The following ABCC9 variants were observed in gnomAD, a reference collection of about 807,000 sequenced individuals.
ABCC9 encodes the protein ATP binding cassette subfamily C member 9.
ABCC9 carries 95 observed loss-of-function variants against 188.3 expected under a neutral mutation model. The observed-to-expected ratio is 0.50, with a 90% confidence interval of 0.43 to 0.60. The LOEUF (loss-of-function observed/expected upper bound fraction) is 0.60, where lower values mean the gene tolerates loss of function less well. Among genes scored for constraint, ABCC9 ranks in the 20% least tolerant of loss-of-function variants. The pLI is 0.00. For missense variants in ABCC9, 1,102 were observed against 1,876.3 expected (o/e 0.59, Z 7.62); for synonymous variants, 659 against 652.7 (o/e 1.01, Z -0.15).
intron 9 of ABCC9, 33 bp downstream of exon 9, chr12:21,910,793 A>C (rs757000891): frequency 1.1e-5 from 18 of 1,582,930 alleles, no homozygotes; most frequent in Non-Finnish European, 1.6e-5. Flanking sequence ...TAGCATTCTT[A>C]GGAAACAAAT....
At chr12:21,822,604 C>A (rs978374272) in intron 31 of ABCC9, among the ~76,000 whole-genome samples, 19 of 151,232 alleles carry the variant, frequency 1.3e-4, no homozygotes. Flanking sequence ...TCGAGACCAT[C>A]CTGGCTAACA....
At chr12:21,841,273 G>A (rs189378792) in intron 29 of ABCC9, among the ~76,000 whole-genome samples, 10 of 150,190 alleles carry the variant, frequency 6.7e-5, no homozygotes, top group Non-Finnish European at 1.3e-4. Context: ...AATCCTAAAC[G>A]AATATTTTTT....
intron 16 of ABCC9, 142 bp downstream of exon 16, chr12:21,882,623 AT>A (rs1007991121): frequency 2.3e-4 from 162 of 710,258 alleles, no homozygotes; most frequent in Middle Eastern, 3.6e-4. Context: ...AAAACTCAGA[AT>A]TTTTTTTTAA....
intron 8 of ABCC9, among the ~76,000 whole-genome samples, chr12:21,911,895 A>ATTTCCGTTATAAT (rs143730509): frequency 1.3e-5 from 2 of 152,076 alleles, no homozygotes; most frequent in East Asian, 3.9e-4. Context: ...TATCTGGTTC[A>ATTTCCGTTATAAT]TGAACACTAA....
chr12:21,863,988 A>C (rs576502119), intron 19 of ABCC9, among the ~76,000 whole-genome samples: 40 of 151,988 alleles, frequency 2.6e-4, no homozygotes, highest in Non-Finnish European at 4.0e-4. Context: ...CCAACCTCTG[A>C]CATGCCTGCT....
chr12:21,885,992 A>AT (rs1419705678), intron 15 of ABCC9, among the ~76,000 whole-genome samples: 2 of 152,068 alleles, frequency 1.3e-5, no homozygotes, highest in East Asian at 1.9e-4. Flanking sequence ...ATATATTCAT[A>AT]TTTTTTCTAA....
At chr12:21,912,830 C>G in intron 8 of ABCC9, 42 bp downstream of exon 8, 1 of 1,588,148 alleles carries the variant, frequency 6.3e-7, no homozygotes, top group South Asian at 1.1e-5. Context: ...ACAATGAAAT[C>G]CATCAATAAT....
At chr12:21,805,349 G>C in intron 39 of ABCC9, 1 of 1,595,206 alleles carries the variant, frequency 6.3e-7, no homozygotes, top group Non-Finnish European at 8.6e-7. Context: ...ATCAGCAGAA[G>C]GAAAAATGTC....
At chr12:21,847,976 T>G (rs913485250) in intron 25 of ABCC9, among the ~76,000 whole-genome samples, 174 bp downstream of exon 25, 2 of 152,210 alleles carry the variant, frequency 1.3e-5, no homozygotes, top group Non-Finnish European at 2.9e-5. Context: ...TGACTGTTGA[T>G]GGATTACATC....
chr12:21,906,315 A>T (rs1948044905), intron 11 of ABCC9, 27 bp from the exon 12 acceptor site: 1 of 1,585,046 alleles, frequency 6.3e-7, no homozygotes, highest in Non-Finnish European at 8.6e-7. Context: ...GAAAAATAAT[A>T]CCAGCTGCAT....
At position 21,815,776 on chromosome 12, in the gene ABCC9, T is replaced by C; in HGVS notation, c.4010A>G (p.Lys1337Arg). Residue 1337 changes from lysine to arginine, a missense_variant, in exon 34 of 40, where the codon AAA (lysine) becomes AGA (arginine). Lys to Arg is a conservative substitution (Grantham distance 26). Around this residue, in one of 12 missense-constraint regions of ABCC9, gnomAD observed 143 missense variants for 225.6 expected, o/e 0.63. Coordinates refer to ENST00000261200, the MANE Select transcript of ABCC9 (RefSeq NM_020297.4). ...PVLKHVKAYI[K>R]PGQKVGICGR... ...GTGATTTCATACCTTTTGTCCAGGT[T>C]TGATGTAAGCCTTGACGTGCTTAAG... 1 of 1,613,042 alleles carries C rather than the reference T, an allele frequency of 6.2e-7. No individual in the cohort carries two copies. Among genetic ancestry groups the C allele is most frequent in the Non-Finnish European group, 8.5e-7 (1 of 1,179,516 alleles).
intron 39 of ABCC9, among the ~76,000 whole-genome samples, chr12:21,804,501 C>T (rs561327308): frequency 6.6e-6 from 1 of 152,172 alleles, no homozygotes; most frequent in Non-Finnish European, 1.5e-5. Flanking sequence ...CTGAATAATT[C>T]TTTTTCAAGT....
At chr12:21,846,214 A>C (rs1264601424) in intron 25 of ABCC9, among the ~76,000 whole-genome samples, 1 of 152,220 alleles carries the variant, frequency 6.6e-6, no homozygotes, top group Non-Finnish European at 1.5e-5. Flanking sequence ...CTGCACCAGG[A>C]GGGAGTAAGC....
At chr12:21,861,228 CCCCTT>C (rs1945490649) in intron 20 of ABCC9, among the ~76,000 whole-genome samples, 173 bp from the exon 21 acceptor site, 1 of 145,960 alleles carries the variant, frequency 6.9e-6, no homozygotes, top group African/African-American at 2.6e-5. Context: ...CTACTTCCCC[CCCCTT>C]TTTTTTTTTT....
chr12:21,852,522 G>A lies in ABCC9; in HGVS notation c.2506-17C>T. ...TGGATCATCCTGCAATCAGTAAAAT[G>A]GAGGAAAGATGGACGTTTTCTATAC... On this transcript the variant is annotated splice_polypyrimidine_tract_variant and intron_variant, in intron 22 of 39. Coordinates refer to ENST00000261200, the MANE Select transcript of ABCC9 (RefSeq NM_020297.4). 3 of 1,607,398 alleles carry A rather than the reference G, an allele frequency of 1.9e-6. No individual in the cohort carries two copies. Among genetic ancestry groups the A allele is most frequent in the South Asian group, 2.2e-5 (2 of 91,074 alleles).
chr12:21,899,981 G>C (rs1037027758), intron 12 of ABCC9, among the ~76,000 whole-genome samples: 3 of 152,210 alleles, frequency 2.0e-5, no homozygotes, highest in Non-Finnish European at 4.4e-5. Flanking sequence ...CTAGCATGGA[G>C]TTTGGGATCT....
Position 21,816,080 on chromosome 12 carries a change from T to C in ABCC9, c.3893-187A>G, listed in dbSNP as rs1240561101. On this transcript the variant is annotated intron_variant, in intron 33 of 39. Coordinates refer to ENST00000261200, the MANE Select transcript of ABCC9 (RefSeq NM_020297.4). The stretch of plus-strand genomic sequence containing the variant: ...TTTTTTTTTTTTTTTTTTTTTTTTT[T>C]AGTTTAAATCACATTCAAATAAACA... 7.8e-5 allele frequency among the ~76,000 whole-genome samples: 7 copies of C among 89,730 alleles called. No individual in the cohort carries two copies. The East Asian group carries it at 1.7e-3, about 22-fold the overall frequency. 58.9% of individuals were successfully genotyped at this position (89,730 alleles called of 152,430 possible). A position where few individuals can be genotyped will look rare whatever the true frequency, so the allele number is the denominator to read the frequency against.
rs748756001 is a variant in ABCC9 at position 21,872,605 on chromosome 12, C to G, written c.2198+20G>C. 3 of 1,567,130 alleles carry G rather than the reference C, an allele frequency of 1.9e-6. No homozygotes were observed. In the Admixed American group the frequency reaches 5.0e-5, roughly 26 times the overall value. ...CAGATGTATGACATAGCAATGGAAG[C>G]CAACTAAAAATATACATACTTGCTC... On this transcript the variant is annotated intron_variant, in intron 18 of 39. Coordinates refer to ENST00000261200, the MANE Select transcript of ABCC9 (RefSeq NM_020297.4).
intron 7 of ABCC9, among the ~76,000 whole-genome samples, chr12:21,914,568 G>C (rs1389540460): frequency 1.3e-5 from 2 of 151,922 alleles, no homozygotes; most frequent in Non-Finnish European, 2.9e-5. Context: ...ATTATTAGTT[G>C]GTATCTATTT....
Sources: allele counts gnomAD v4.1 joint callset (sites outside exome capture counted in the v4.1 genomes callset), GRCh38; gene constraint gnomAD v4.1.1; regional missense constraint gnomAD v4.1.1; transcripts MANE v1.5; gene names NCBI Gene and HGNC (gene_info 2026-07-23, HGNC 2026-07-21).